ZNF385D: variants seen among roughly 807,000 people sequenced by gnomAD.
ZNF385D encodes the protein zinc finger protein 659.
ZNF385D carries 15 observed loss-of-function variants against 35.8 expected under a neutral mutation model. The ratio of observed to expected loss-of-function variants is 0.42; its 90% CI spans 0.28 to 0.64. The LOEUF (loss-of-function observed/expected upper bound fraction) is 0.64, where lower values mean the gene tolerates loss of function less well. ZNF385D is among the 30% of genes least tolerant of loss of function. ZNF385D has a pLI of 0.23. For synonymous variants in ZNF385D, 212 were observed against 186.8 expected (o/e 1.13, Z -1.10); for missense variants, 474 against 494.6 (o/e 0.96, Z 0.39).
intron 2 of ZNF385D, among the ~76,000 whole-genome samples, chr3:22,364,446 CTAAA>C (rs1467412884): frequency 6.6e-6 from 1 of 151,846 alleles, no homozygotes; most frequent in Non-Finnish European, 1.5e-5. Context: ...AAGGACTTGA[CTAAA>C]TATTGCTTTA....
At chr3:21,507,034 T>C (rs1336002625) in intron 4 of ZNF385D, among the ~76,000 whole-genome samples, 1 of 152,164 alleles carries the variant, frequency 6.6e-6, no homozygotes, top group Non-Finnish European at 1.5e-5. Context: ...GGTTTAGATG[T>C]ATGTGTTACC....
chr3:21,647,387 G>A (rs968959885), intron 2 of ZNF385D, among the ~76,000 whole-genome samples: 4 of 126,740 alleles, frequency 3.2e-5, no homozygotes, highest in Admixed American at 9.6e-5. Context: ...CCTTTCTACC[G>A]TTCTTCCTTC....
At chr3:21,880,278 A>G (rs73146847) in intron 3 of ZNF385D, among the ~76,000 whole-genome samples, 2 of 152,142 alleles carry the variant, frequency 1.3e-5, no homozygotes, top group African/African-American at 4.8e-5. Context: ...TTTCACAGAT[A>G]CTGTGTTTGA....
chr3:21,611,789 G>T (rs1284837029), intron 2 of ZNF385D, among the ~76,000 whole-genome samples: 1 of 152,044 alleles, frequency 6.6e-6, no homozygotes, highest in African/African-American at 2.4e-5. Flanking sequence ...AGGAAGGGAA[G>T]ATAAAAGTAC....
chr3:22,203,287 G>C (rs1179211472), intron 2 of ZNF385D, among the ~76,000 whole-genome samples: 1 of 152,004 alleles, frequency 6.6e-6, no homozygotes, highest in East Asian at 1.9e-4. Flanking sequence ...AAACACACTG[G>C]GACAGAAGGG....
At chr3:21,621,553 C>CTGTGTGTGTGTG (rs1259386051) in intron 2 of ZNF385D, among the ~76,000 whole-genome samples, 6 of 50,200 alleles carry the variant, frequency 1.2e-4, no homozygotes, top group Non-Finnish European at 2.7e-4. Context: ...AAAAAAATTC[C>CTGTGTGTGTGTG]CGTGTGTGTG....
At chr3:21,804,906 A>T (rs1200738074) in intron 3 of ZNF385D, among the ~76,000 whole-genome samples, 4 of 152,208 alleles carry the variant, frequency 2.6e-5, no homozygotes, top group Admixed American at 2.0e-4. Context: ...CAATTTTAAA[A>T]ATGAAAATTT....
intron 3 of ZNF385D, among the ~76,000 whole-genome samples, chr3:21,982,934 T>A (rs1694566484): frequency 6.6e-6 from 1 of 152,114 alleles, no homozygotes; most frequent in South Asian, 2.1e-4. Flanking sequence ...CTTCTGGGGA[T>A]GAAGCCTACT....
intron 3 of ZNF385D, among the ~76,000 whole-genome samples, chr3:22,063,203 T>C (rs1019900907): frequency 3.3e-5 from 5 of 152,194 alleles, no homozygotes; most frequent in African/African-American, 9.6e-5. Flanking sequence ...TCTATCTGAA[T>C]AATGGGAATA....
upstream of ZNF385D, among the ~76,000 whole-genome samples, chr3:21,755,876 A>C (rs2070316449): frequency 6.6e-6 from 1 of 152,212 alleles, no homozygotes; most frequent in Non-Finnish European, 1.5e-5. Flanking sequence ...TGCAAAGGAT[A>C]AATGGGGAAT....
intron 3 of ZNF385D, among the ~76,000 whole-genome samples, chr3:21,881,139 G>C (rs1422752949): frequency 6.6e-6 from 1 of 151,962 alleles, no homozygotes; most frequent in African/African-American, 2.4e-5. Flanking sequence ...ACTTAGCTAA[G>C]GTCATTGATG....
chr3:21,620,457 G>A (rs2064971202), intron 2 of ZNF385D, among the ~76,000 whole-genome samples: 1 of 152,106 alleles, frequency 6.6e-6, no homozygotes, highest in South Asian at 2.1e-4. Flanking sequence ...TTAGCAGGAA[G>A]CTTTATGTGA....
chr3:21,966,272 T>TA (rs563352988), intron 3 of ZNF385D, among the ~76,000 whole-genome samples: 293 of 152,306 alleles, frequency 1.9e-3, no homozygotes, highest in African/African-American at 6.7e-3. Context: ...GCACAGCTTT[T>TA]AAAGCTTGTA....
At chr3:22,094,866 T>C (rs1011097616) in intron 3 of ZNF385D, among the ~76,000 whole-genome samples, 1 of 152,090 alleles carries the variant, frequency 6.6e-6, no homozygotes, top group Non-Finnish European at 1.5e-5. Flanking sequence ...AGCCTCATGG[T>C]TGCCAGATAT....
intron 3 of ZNF385D, among the ~76,000 whole-genome samples, chr3:21,933,315 G>A (rs543100095): frequency 3.9e-5 from 6 of 152,240 alleles, no homozygotes; most frequent in African/African-American, 1.4e-4. Context: ...TCTGTCCCCA[G>A]AAGAAATTTC....
chr3:21,751,398 G>A, upstream of ZNF385D: 1 of 1,022,040 alleles, frequency 9.8e-7, no homozygotes, highest in Non-Finnish European at 1.2e-6. Context: ...AGAGTGTCGG[G>A]ATCCACACAG....
At chr3:22,292,605 T>C (rs1157413932) in intron 2 of ZNF385D, among the ~76,000 whole-genome samples, 2 of 152,210 alleles carry the variant, frequency 1.3e-5, no homozygotes, top group Admixed American at 6.5e-5. Context: ...ATGTTGGTTC[T>C]TTCACACGGC....
At chr3:21,700,775 T>G (rs1432843688) in intron 1 of ZNF385D, among the ~76,000 whole-genome samples, 1 of 152,248 alleles carries the variant, frequency 6.6e-6, no homozygotes, top group African/African-American at 2.4e-5. Flanking sequence ...TTAAGTGATA[T>G]GTATTAATGT....
intron 2 of ZNF385D, among the ~76,000 whole-genome samples, chr3:22,175,214 A>T (rs1694740947): frequency 6.6e-6 from 1 of 152,086 alleles, no homozygotes; most frequent in Non-Finnish European, 1.5e-5. Context: ...ATTATTTGTA[A>T]GAATATGATG....
Sources: allele counts gnomAD v4.1 joint callset (sites outside exome capture counted in the v4.1 genomes callset), GRCh38; gene constraint gnomAD v4.1.1; transcripts MANE v1.5; gene names NCBI Gene and HGNC (gene_info 2026-07-23, HGNC 2026-07-21).